Variants in MCF2L observed in about 807,000 individuals in gnomAD.
The protein encoded by MCF2L is MCF.2 cell line derived transforming sequence like.
Under a neutral mutation model 153.4 loss-of-function variants are expected in MCF2L, and 97 were observed. The ratio of observed to expected loss-of-function variants is 0.63; its 90% CI spans 0.54 to 0.75. MCF2L has a LOEUF of 0.75. MCF2L is among the 30% of genes least tolerant of loss of function. MCF2L has a pLI of 0.00. For synonymous variants in MCF2L, 659 were observed against 632.2 expected (o/e 1.04, Z -0.64); for missense variants, 1,347 against 1,495.2 (o/e 0.90, Z 1.64).
intron 1 of MCF2L, among the ~76,000 whole-genome samples, chr13:113,006,060 G>A (rs80295835): frequency 0.012 from 1,858 of 152,266 alleles, 39 homozygotes; most frequent in African/African-American, 0.042. Flanking sequence ...TGCAATGGGA[G>A]GCCGTGCCCT....
chr13:112,908,405 G>C (rs9805562), intron 2 of MCF2L, among the ~76,000 whole-genome samples: 1,810 of 152,294 alleles, frequency 0.012, 33 homozygotes, highest in African/African-American at 0.042. Flanking sequence ...CGGATTACCT[G>C]AAACCAGGAG....
chr13:113,060,797 G>A (rs1219372772), intron 5 of MCF2L, 85 bp downstream of exon 5: 3 of 1,562,082 alleles, frequency 1.9e-6, no homozygotes, highest in East Asian at 4.5e-5. Flanking sequence ...AAATCCTCGA[G>A]GAGCTGACTT....
At chr13:113,051,520 G>T (rs2087326726) in intron 4 of MCF2L, among the ~76,000 whole-genome samples, 1 of 152,230 alleles carries the variant, frequency 6.6e-6, no homozygotes, top group Admixed American at 6.5e-5. Context: ...AGGGGTGGGA[G>T]ATCCAGAGGC....
At position 113,077,727 on chromosome 13, in the gene MCF2L, C is replaced by T. The variant is rs143228342; in HGVS notation, c.1660+516C>T. Among the ~76,000 whole-genome samples, 450 of 152,334 alleles carry T rather than the reference C, an allele frequency of 3.0e-3. 3 individuals are homozygous for T. The highest frequency in any genetic ancestry group is 0.02 in the Middle Eastern group (6 of 294). On this transcript the variant is annotated intron_variant, in intron 13 of 29. Coordinates refer to ENST00000535094, the MANE Select transcript of MCF2L (RefSeq NM_001112732.3). ...CTGGTCCCAAACCCGCCCTCTATGC[C>T]GAGCCAGGCACGGCGCCATTTCCCA...
At chr13:113,078,636 T>C in intron 14 of MCF2L, 30 bp from the exon 15 acceptor site, 1 of 1,603,204 alleles carries the variant, frequency 6.2e-7, no homozygotes, top group East Asian at 2.2e-5. Flanking sequence ...CCGTCCCGCC[T>C]TTCAGACCTG....
chr13:113,037,323 A>G (rs1201329763), intron 3 of MCF2L, among the ~76,000 whole-genome samples: 1 of 152,222 alleles, frequency 6.6e-6, no homozygotes, highest in East Asian at 1.9e-4. Context: ...AGTGAAGAAC[A>G]CAAGTTCTGG....
rs1010916573 is a variant in MCF2L, at chr13:112,941,982, G to A, written c.169+39611G>A. Among the ~76,000 whole-genome samples, 5 of 152,186 alleles carry A rather than the reference G, an allele frequency of 3.3e-5. No homozygotes were observed. Among genetic ancestry groups the A allele is most frequent in the Admixed American group, 6.5e-5 (1 of 15,280 alleles). ...AACGCCAGCATCTGGGAAGACGCCC[G>A]TTGCCAAGCGGACCATGGTCTAGCG... is the stretch of plus-strand genomic sequence containing the variant. On this transcript the variant is annotated intron_variant, in intron 2 of 29. Transcript: ENST00000375608. The surrounding 1 kb of genome is among the most constrained non-coding windows in gnomAD (Gnocchi z 4.9).
In MCF2L at chr13:113,097,625, TTAAAC is replaced by T. The variant is rs1404922017; in HGVS notation, c.*769_*773del. 1.3e-5 allele frequency: 2 copies of T among 151,772 alleles called. No individual in the cohort carries two copies. Among genetic ancestry groups the T allele is most frequent in the Non-Finnish European group, 2.9e-5 (2 of 67,992 alleles). 9.4% of individuals were successfully genotyped at this position (151,772 alleles called of 1,614,324 possible). On this transcript the variant is annotated 3_prime_UTR_variant, in exon 30 of 30. Coordinates refer to ENST00000535094, the MANE Select transcript of MCF2L (RefSeq NM_001112732.3). The stretch of plus-strand genomic sequence containing the variant: ...CTAGGGTTCATTTTCAAAAGAAAAT[TTAAAC>T]TATAATTTAAACAATTAACGTTCTT...
chr13:112,937,399 A>C (rs1257166198), intron 2 of MCF2L, among the ~76,000 whole-genome samples: 1 of 152,220 alleles, frequency 6.6e-6, no homozygotes, highest in Non-Finnish European at 1.5e-5. Flanking sequence ...TTCAGAAAAA[A>C]TTTAGAACAT....
chr13:112,914,224 C>T (rs770510955), intron 2 of MCF2L, among the ~76,000 whole-genome samples: 10 of 152,260 alleles, frequency 6.6e-5, no homozygotes, highest in Non-Finnish European at 1.0e-4. Flanking sequence ...CCAAGAGGGC[C>T]TTGCCATGTG....
At chr13:112,906,212 G>A (rs558014817) in intron 2 of MCF2L, among the ~76,000 whole-genome samples, 16 of 152,294 alleles carry the variant, frequency 1.1e-4, no homozygotes, top group African/African-American at 3.6e-4. Flanking sequence ...GTGACTCTGC[G>A]ATTAACTGTT....
chr13:112,909,016 G>A lies in MCF2L; in HGVS notation c.169+6645G>A, dbSNP rs535959553. Among the ~76,000 whole-genome samples the A allele has an allele frequency of 2.6e-4, 39 of 152,296 alleles. No individual in the cohort carries two copies. In the Middle Eastern group the frequency reaches 0.014, roughly 53 times the overall value. On this transcript the variant is annotated intron_variant, in intron 2 of 29. Transcript: ENST00000375608. ...TGGTATTACAGGTGTTAGCCACCGC[G>A]CCCCGCCCATGCTTATGTTTATCCA...
At chr13:113,051,409 G>A (rs1453529687) in intron 4 of MCF2L, among the ~76,000 whole-genome samples, 1 of 152,172 alleles carries the variant, frequency 6.6e-6, no homozygotes, top group Non-Finnish European at 1.5e-5. Flanking sequence ...AGCCCGTGAG[G>A]CTTCCACGAC....
At chr13:112,976,048 C>G (rs1007971921) in intron 1 of MCF2L, among the ~76,000 whole-genome samples, 2 of 152,084 alleles carry the variant, frequency 1.3e-5, no homozygotes, top group Admixed American at 6.5e-5. Flanking sequence ...CTTACAGTTG[C>G]GAGTTTGAAA....
intron 4 of MCF2L, among the ~76,000 whole-genome samples, chr13:113,047,906 C>T (rs1025009893): frequency 2.0e-5 from 3 of 152,204 alleles, no homozygotes; most frequent in African/African-American, 4.8e-5. Context: ...ACGCGTGCCC[C>T]GGCCCCTCCG....
chr13:112,986,729 C>T lies in MCF2L; in HGVS notation c.79+17271C>T, dbSNP rs118077484. Among the ~76,000 whole-genome samples the T allele has an allele frequency of 3.7e-3, 564 of 152,320 alleles. 3 individuals are homozygous for T. The highest frequency in any genetic ancestry group is 0.01 in the Middle Eastern group (3 of 294). On this transcript the variant is annotated intron_variant, in intron 1 of 29. Transcript: ENST00000535094. ...GCCTGCCTGTGGGTGGACACTGGGC[C>T]GAGGGTGCCAACCCTGCCCACGGGG...
chr13:113,002,323 A>T (rs2083430666), intron 1 of MCF2L, among the ~76,000 whole-genome samples: 1 of 152,202 alleles, frequency 6.6e-6, no homozygotes. Flanking sequence ...TCACCTTTCC[A>T]CTGGCTCCTT....
At chr13:112,962,459 A>G (rs2081843255) in intron 2 of MCF2L, among the ~76,000 whole-genome samples, 1 of 152,126 alleles carries the variant, frequency 6.6e-6, no homozygotes, top group South Asian at 2.1e-4. Flanking sequence ...CTGTGCTGTG[A>G]GGAGCCAGCC....
intron 27 of MCF2L, chr13:113,095,134 G>T: frequency 1.5e-6 from 2 of 1,308,908 alleles, no homozygotes; most frequent in Non-Finnish European, 2.0e-6. Context: ...GCATGGATTT[G>T]CATTTGAAAA....
Sources: gnomAD v4.1 joint callset for allele counts (sites outside exome capture counted in the v4.1 genomes callset) on GRCh38, gnomAD v4.1.1 for gene constraint, Gnocchi (gnomAD v3.1) non-coding constraint, MANE v1.5 for transcripts, NCBI Gene and HGNC (gene_info 2026-07-23, HGNC 2026-07-21) for gene names.